The following CD86 variants were observed in gnomAD, a reference collection of about 807,000 sequenced individuals.
CD86 encodes T-lymphocyte activation antigen CD86.
A neutral mutation model predicts 32.1 loss-of-function variants in CD86; 11 were observed. That is an observed-to-expected ratio of 0.34 (90% CI 0.22 to 0.57). The LOEUF is 0.57. CD86 is among the 20% of genes least tolerant of loss of function. CD86 has a pLI of 0.86. For missense variants in CD86, 359 were observed against 398.4 expected, an observed-to-expected ratio of 0.90 and a Z score of 0.84; for synonymous variants, 137 against 135.3, an observed-to-expected ratio of 1.01 and a Z score of -0.09.
At chr3:122,110,663 C>A (rs560863210) in intron 5 of CD86, among the ~76,000 whole-genome samples, 1 of 152,260 alleles carries the variant, frequency 6.6e-6, no homozygotes, top group South Asian at 2.1e-4. Context: ...TGTGGCAGAG[C>A]CATTCAAACT....
intron 2 of CD86, among the ~76,000 whole-genome samples, chr3:122,099,119 CA>C (rs1467128265): frequency 6.6e-6 from 1 of 152,078 alleles, no homozygotes; most frequent in Non-Finnish European, 1.5e-5. Flanking sequence ...ATAAGAAGAC[CA>C]AGAACATGCA....
At chr3:122,099,181 C>T (rs952526184) in intron 2 of CD86, among the ~76,000 whole-genome samples, 2 of 152,142 alleles carry the variant, frequency 1.3e-5, no homozygotes, top group African/African-American at 4.8e-5. Flanking sequence ...ACAAGGAAAT[C>T]AGAGATTGGG....
At chr3:122,103,404 A>G (rs2073040586) in intron 2 of CD86, 108 bp from the exon 3 acceptor site, 2 of 718,338 alleles carry the variant, frequency 2.8e-6, no homozygotes, top group South Asian at 1.9e-5. Flanking sequence ...CTTATTCTTC[A>G]GCATGATTAC....
intron 1 of CD86, among the ~76,000 whole-genome samples, chr3:122,073,381 TTGAGTTA>T (rs929132744): frequency 6.6e-6 from 1 of 152,076 alleles, no homozygotes; most frequent in African/African-American, 2.4e-5. Context: ...TCTTTTATCT[TTGAGTTA>T]TAAGAGTTCA....
intron 1 of CD86, among the ~76,000 whole-genome samples, chr3:122,074,827 G>A (rs1305246132): frequency 2.0e-5 from 3 of 152,122 alleles, no homozygotes; most frequent in Non-Finnish European, 4.4e-5. Context: ...TGGAGAATGA[G>A]GCAGTGGAGG....
Position 122,106,620 on chromosome 3 carries a change from T to A in CD86, c.703+120T>A, listed in dbSNP as rs2073095962. 6 of 859,926 alleles carry A rather than the reference T, an allele frequency of 7.0e-6. No homozygotes were observed. The East Asian group carries it at 1.5e-4, about 21-fold the overall frequency. 53.3% of individuals were successfully genotyped at this position (859,926 alleles called of 1,614,324 possible). A position where few individuals can be genotyped will look rare whatever the true frequency, so the allele number is the denominator to read the frequency against. On this transcript the variant is annotated intron_variant, in intron 4 of 6. Coordinates refer to ENST00000330540, the MANE Select transcript of CD86 (RefSeq NM_175862.5). The stretch of plus-strand genomic sequence containing the variant: ...CCAACTGGGCCATTTTATGACGCTG[T>A]TAGGAAGGACCCAGATGGAGGTCTC...
In CD86 at chr3:122,119,220, G is replaced by A. The variant is rs541989639; in HGVS notation, c.894-218G>A. ...CAGCAGAGAACCGGCAGAGGGCATG[G>A]GAAGGGCCAGGCAGAAATAAAGGGT... On this transcript the variant is annotated intron_variant, in intron 6 of 6. Coordinates refer to ENST00000330540, the MANE Select transcript of CD86 (RefSeq NM_175862.5). 2.0e-5 allele frequency among the ~76,000 whole-genome samples: 3 copies of A among 152,310 alleles called. No homozygotes were observed. The East Asian group carries it at 5.8e-4, about 29-fold the overall frequency.
chr3:122,055,631 T>C, intron 1 of CD86, 128 bp downstream of exon 1: 1 of 850,860 alleles, frequency 1.2e-6, no homozygotes, highest in South Asian at 1.6e-5. Flanking sequence ...TTTCTTTTTC[T>C]ACAAAAGATC....
chr3:122,115,232 A>G (rs186509322), intron 5 of CD86, among the ~76,000 whole-genome samples: 1 of 152,230 alleles, frequency 6.6e-6, no homozygotes, highest in Non-Finnish European at 1.5e-5. Context: ...GCAATTGTAC[A>G]TTGAAAAAAA....
chr3:122,092,633 A>ACTCAGTG (rs2072843190), intron 2 of CD86, among the ~76,000 whole-genome samples: 1 of 151,850 alleles, frequency 6.6e-6, no homozygotes, highest in South Asian at 2.1e-4. Context: ...GTATCCTGTG[A>ACTCAGTG]CTCAGTGTCT....
chr3:122,108,173 C>T (rs1315271530), intron 4 of CD86, among the ~76,000 whole-genome samples: 2 of 152,194 alleles, frequency 1.3e-5, no homozygotes, highest in Admixed American at 1.3e-4. Flanking sequence ...CAACAGGTAC[C>T]CCCATCTTCA....
chr3:122,080,384 A>C (rs1057305523), intron 1 of CD86, among the ~76,000 whole-genome samples: 1 of 152,204 alleles, frequency 6.6e-6, no homozygotes, highest in Non-Finnish European at 1.5e-5. Context: ...AACTCGGAGA[A>C]CTAGGCGTGT....
At chr3:122,071,290 C>T (rs1399704165) in intron 1 of CD86, among the ~76,000 whole-genome samples, 4 of 152,156 alleles carry the variant, frequency 2.6e-5, no homozygotes, top group Non-Finnish European at 4.4e-5. Flanking sequence ...TGACCCTTCC[C>T]ACCCCTCCCC....
rs569104559 is a variant in CD86 at position 122,082,243 on chromosome 3, A to G, written c.15-9358A>G. ...AGCTCTCTATTAAAAGTTTTCCATC[A>G]TCTGGAACTGAAATCTGGCTCCCTG... On this transcript the variant is annotated intron_variant, in intron 1 of 6. Transcript: ENST00000330540. Among the ~76,000 whole-genome samples the G allele has an allele frequency of 3.5e-4, 53 of 152,280 alleles. No homozygotes were observed. The South Asian group carries it at 0.011, about 32-fold the overall frequency.
intron 3 of CD86, 110 bp downstream of exon 3, chr3:122,103,957 T>A: frequency 1.2e-6 from 1 of 852,958 alleles, no homozygotes; most frequent in East Asian, 2.5e-5. Context: ...AAAAGGGGGG[T>A]CTATAGAGAG....
chr3:122,064,335 TTATTTCTTTGACTAA>T (rs2072383049), intron 1 of CD86, among the ~76,000 whole-genome samples: 1 of 152,114 alleles, frequency 6.6e-6, no homozygotes, highest in Admixed American at 6.5e-5. Context: ...GGAAATAGGG[TTATTTCTTTGACTAA>T]AATTGCCAGA....
chr3:122,078,373 A>C (rs1315051287), intron 1 of CD86, among the ~76,000 whole-genome samples: 1 of 152,220 alleles, frequency 6.6e-6, no homozygotes, highest in Non-Finnish European at 1.5e-5. Context: ...GTCTCCGAGC[A>C]GCCTCTGCTC....
chr3:122,093,733 G>A (rs76330915), intron 2 of CD86, among the ~76,000 whole-genome samples: 2,341 of 152,238 alleles, frequency 0.015, 60 homozygotes, highest in African/African-American at 0.052. Context: ...GCCTGGTACT[G>A]TTCTAAGTAC....
rs9282642 is a variant in CD86 at position 122,106,306 on chromosome 3, G to A, written c.509G>A (p.Ser170Asn). 113 of 1,614,062 alleles carry A rather than the reference G, an allele frequency of 7.0e-5. No homozygotes were observed. The African/African-American group carries it at 1.0e-3, about 14-fold the overall frequency. The change falls in exon 4 of 7, where the codon AGT (serine) becomes AAT (asparagine). Residue 170 changes from serine (S) to asparagine (N), a missense_variant. Coordinates refer to ENST00000330540, the MANE Select transcript of CD86 (RefSeq NM_175862.5). ...IHGYPEPKKM[S>N]VLLRTKNSTI... is the part of the protein sequence containing the mutation. ...GGTTACCCAGAACCTAAGAAGATGAGTGTTTTGCTAAGAACCAAGAATTCA... is the reference window on the plus strand; with the variant it reads ...GGTTACCCAGAACCTAAGAAGATGAATGTTTTGCTAAGAACCAAGAATTCA...
Sources: allele counts gnomAD v4.1 joint callset (sites outside exome capture counted in the v4.1 genomes callset), GRCh38; gene constraint gnomAD v4.1.1; transcripts MANE v1.5; gene names NCBI Gene and HGNC (gene_info 2026-07-23, HGNC 2026-07-21).